The following URB2 variants were observed in gnomAD, a reference collection of about 807,000 sequenced individuals.
URB2 encodes URB2 ribosome biogenesis homolog, also known as unhealthy ribosome biogenesis protein 2 homolog.
URB2 carries 86 observed loss-of-function variants against 120.9 expected under a neutral mutation model. That is an observed-to-expected ratio of 0.71 (90% CI 0.60 to 0.85). The LOEUF (loss-of-function observed/expected upper bound fraction) is 0.85, where lower values mean the gene tolerates loss of function less well. Among genes scored for constraint, URB2 ranks in the 40% least tolerant of loss-of-function variants. The pLI, the probability that URB2 is intolerant of heterozygous loss-of-function variation, is 0.00. For synonymous variants in URB2, 755 were observed against 758.4 expected, an observed-to-expected ratio of 1.00 and a Z score of 0.07; for missense variants, 1,765 against 1,836.5, an observed-to-expected ratio of 0.96 and a Z score of 0.71.
intron 4 of URB2, among the ~76,000 whole-genome samples, chr1:229,639,216 G>T (rs1484996639): frequency 6.6e-6 from 1 of 152,006 alleles, no homozygotes; most frequent in Non-Finnish European, 1.5e-5. Flanking sequence ...GATCACCTGA[G>T]CCCAGGGAGG....
intron 7 of URB2, among the ~76,000 whole-genome samples, chr1:229,648,835 T>G (rs1010527609): frequency 2.0e-5 from 3 of 152,226 alleles, no homozygotes; most frequent in African/African-American, 7.2e-5. Flanking sequence ...TTCTGAGAAA[T>G]GTGTCGTTAG....
chr1:229,651,430 GA>G lies in URB2; in HGVS notation c.4237+109del, dbSNP rs1203148827. 4 of 840,280 alleles carry G rather than the reference GA, an allele frequency of 4.8e-6. No homozygotes were observed. In the Admixed American group the frequency reaches 1.4e-4, roughly 30 times the overall value. The allele number at this position is 840,280 out of a possible 1,614,324, so 52.1% of individuals were successfully genotyped here. A position where few individuals can be genotyped will look rare whatever the true frequency, so the allele number is the denominator to read the frequency against. On this transcript the variant is annotated intron_variant, in intron 8 of 9. Transcript: ENST00000258243. ...AAACTACTCACTTGTGTTTAAATAAGAGAAATGATATCAAATGAATACTCAA... is the reference window on the plus strand; with the variant it reads ...AAACTACTCACTTGTGTTTAAATAAGGAAATGATATCAAATGAATACTCAA...
At position 229,635,015 on chromosome 1, in the gene URB2, C is replaced by A; in HGVS notation, c.402C>A (p.Ala134=). The stretch of plus-strand genomic sequence containing the variant: ...GCCAGGGCATCCTGTCGACACCTGC[C>A]CTGGCTGTCATCTACACGGCCAAAC... ...RCCQGILSTP[A]LAVIYTAKQE... is the part of the protein sequence containing the mutation. The change falls in exon 4 of 10, where the codon GCC becomes GCA. Residue 134 remains alanine (A), a synonymous_variant. Coordinates refer to ENST00000258243, the MANE Select transcript of URB2 (RefSeq NM_014777.4). 2 of 1,613,652 alleles carry A rather than the reference C, an allele frequency of 1.2e-6. No homozygotes were observed. Among genetic ancestry groups the A allele is most frequent in the South Asian group, 2.2e-5 (2 of 91,048 alleles).
chr1:229,647,853 T>C (rs1457292372), intron 7 of URB2, 101 bp downstream of exon 7: 1 of 1,490,248 alleles, frequency 6.7e-7, no homozygotes, highest in East Asian at 2.3e-5. Context: ...TGCAGGATAA[T>C]AATACAAATA....
chr1:229,643,717 G>A, intron 5 of URB2, 24 bp downstream of exon 5: 1 of 1,602,888 alleles, frequency 6.2e-7, no homozygotes, highest in East Asian at 2.2e-5. Flanking sequence ...CCCTCCTTGT[G>A]TGGCAGGCTC....
At chr1:229,652,337 C>T (rs555418441) in intron 8 of URB2, among the ~76,000 whole-genome samples, 122 of 152,286 alleles carry the variant, frequency 8.0e-4, no homozygotes, top group Non-Finnish European at 1.3e-3. Context: ...CATAACTCAA[C>T]TCGGGGTGTC....
chr1:229,649,643 A>G (rs2102796652), intron 7 of URB2, among the ~76,000 whole-genome samples: 1 of 152,092 alleles, frequency 6.6e-6, no homozygotes, highest in East Asian at 1.9e-4. Flanking sequence ...CACAGCATCA[A>G]CAGTGTGCAT....
At chr1:229,648,548 C>T (rs1467284450) in intron 7 of URB2, among the ~76,000 whole-genome samples, 1 of 151,818 alleles carries the variant, frequency 6.6e-6, no homozygotes, top group Non-Finnish European at 1.5e-5. Flanking sequence ...GAAAAAATTA[C>T]AGTTCAGTTA....
At chr1:229,634,814 T>C in intron 3 of URB2, 103 bp from the exon 4 acceptor site, 1 of 1,071,754 alleles carries the variant, frequency 9.3e-7, no homozygotes, top group Non-Finnish European at 1.3e-6. Flanking sequence ...CTTACCAAGA[T>C]GAGGGAAAGG....
intron 2 of URB2, among the ~76,000 whole-genome samples, chr1:229,628,073 A>T (rs1003168001): frequency 1.7e-4 from 25 of 145,960 alleles, no homozygotes; most frequent in Admixed American, 3.5e-4. Context: ...ACATAATGAG[A>T]TCCCATCTCT....
Position 229,642,478 on chromosome 1 carries a change from G to A in URB2, c.3635-1055G>A, listed in dbSNP as rs183508984. Among the ~76,000 whole-genome samples, 176 of 152,324 alleles carry A rather than the reference G, an allele frequency of 1.2e-3. 1 individual carries two copies. The Middle Eastern group carries it at 0.02, about 18-fold the overall frequency. ...ATAGTAAGCAAAGACAGGAAAGCAG[G>A]AAGGTATTCTGGCAATGTGGAATAG... On this transcript the variant is annotated intron_variant, in intron 4 of 9. Transcript: ENST00000258243.
rs759795833 is a variant in URB2 at position 229,637,931 on chromosome 1, G to A, written c.3318G>A (p.Gly1106=). The A allele has an allele frequency of 1.9e-6, 3 of 1,612,704 alleles. No homozygotes were observed. Among genetic ancestry groups the A allele is most frequent in the African/African-American group, 1.3e-5 (1 of 75,028 alleles). Residue 1106 remains glycine (G), a synonymous_variant, in exon 4 of 10, where the codon GGG becomes GGA. Transcript: ENST00000258243. ...GAVLQLCSVP[G]ARGWRLPSVL... ...TGCTGCAGCTCTGCTCAGTGCCGGG[G>A]GCCCGGGGCTGGCGCCTTCCCTCGG...
At chr1:229,656,663 T>C (rs1198649967) in intron 9 of URB2, among the ~76,000 whole-genome samples, 1 of 152,244 alleles carries the variant, frequency 6.6e-6, no homozygotes, top group Non-Finnish European at 1.5e-5. Flanking sequence ...CTTGTACTTC[T>C]GCAGAGTTGA....
chr1:229,652,613 A>G (rs1666307698), intron 8 of URB2, among the ~76,000 whole-genome samples: 1 of 152,262 alleles, frequency 6.6e-6, no homozygotes. Flanking sequence ...GAATCGATTT[A>G]GGAGCAGCCT....
chr1:229,648,382 C>T (rs1050548238), intron 7 of URB2, among the ~76,000 whole-genome samples: 4 of 152,176 alleles, frequency 2.6e-5, no homozygotes, highest in Admixed American at 6.6e-5. Flanking sequence ...AAAAATTACT[C>T]TGTTTTTGCT....
At position 229,637,441 on chromosome 1, in the gene URB2, C is replaced by A. The variant is rs749450816; in HGVS notation, c.2828C>A (p.Thr943Lys). 1 of 1,614,046 alleles carries A rather than the reference C, an allele frequency of 6.2e-7. No homozygotes were observed. The highest frequency in any genetic ancestry group is 8.5e-7 in the Non-Finnish European group (1 of 1,180,050). Reference protein sequence around the residue: ...CSSSLALKFLTTCYQLLGYLQ... With the variant: ...CSSSLALKFLKTCYQLLGYLQ... ...TCCTCACTGGCTCTCAAGTTCTTGA[C>A]GACTTGCTACCAACTTCTTGGTTAC... Residue 943 changes from threonine to lysine, a missense_variant, in exon 4 of 10, where the codon ACG (threonine) becomes AAG (lysine). Coordinates refer to ENST00000258243, the MANE Select transcript of URB2 (RefSeq NM_014777.4).
chr1:229,644,809 C>A (rs895174027), intron 5 of URB2, among the ~76,000 whole-genome samples: 1 of 152,104 alleles, frequency 6.6e-6, no homozygotes, highest in African/African-American at 2.4e-5. Flanking sequence ...AACTCACTGA[C>A]AATGTGAAAT....
Position 229,635,534 on chromosome 1 carries a change from G to C in URB2, c.921G>C (p.Leu307=), listed in dbSNP as rs1314567765. Residue 307 remains leucine, a synonymous_variant, in exon 4 of 10, where the codon CTG becomes CTC. Transcript: ENST00000258243. ...TSVVANSVAL[L]YKLFLDSYFK... Reference sequence around the variant, plus strand: ...TTGTGGCCAACTCAGTGGCCTTGCTGTATAAGCTCTTTCTAGATTCTTACT... The same window carrying C: ...TTGTGGCCAACTCAGTGGCCTTGCTCTATAAGCTCTTTCTAGATTCTTACT... 1.9e-6 allele frequency: 3 copies of C among 1,614,006 alleles called. No individual in the cohort carries two copies. Among genetic ancestry groups the C allele is most frequent in the Non-Finnish European group, 2.5e-6 (3 of 1,180,032 alleles).
intron 2 of URB2, among the ~76,000 whole-genome samples, chr1:229,629,984 T>C (rs1287583514): frequency 6.6e-6 from 1 of 152,228 alleles, no homozygotes; most frequent in Non-Finnish European, 1.5e-5. Context: ...CAAGTTTTAT[T>C]AGTCCCATCT....
Sources: allele counts gnomAD v4.1 joint callset (sites outside exome capture counted in the v4.1 genomes callset), GRCh38; gene constraint gnomAD v4.1.1; transcripts MANE v1.5; gene names NCBI Gene and HGNC (gene_info 2026-07-23, HGNC 2026-07-21).